CA8: variants seen among roughly 807,000 people sequenced by gnomAD.
CA8 encodes the protein carbonic anhydrase-related protein.
In CA8, 22 loss-of-function variants were observed where a neutral mutation model predicts 41.4. The ratio of observed to expected loss-of-function variants is 0.53; its 90% CI spans 0.38 to 0.76. CA8 has a LOEUF of 0.76. Among genes scored for constraint, CA8 ranks in the 30% least tolerant of loss-of-function variants. The pLI is 0.00. For missense variants in CA8, 270 were observed against 352.8 expected (o/e 0.77, Z 1.88); for synonymous variants, 121 against 130.6 (o/e 0.93, Z 0.50).
chr8:60,202,083 G>A (rs1408092458), intron 8 of CA8, among the ~76,000 whole-genome samples: 5 of 149,244 alleles, frequency 3.4e-5, no homozygotes, highest in South Asian at 4.3e-4. Flanking sequence ...TCGCTCTGTC[G>A]CCCAGGTTGG....
chr8:60,196,270 C>T (rs943613190), intron 8 of CA8, among the ~76,000 whole-genome samples: 1 of 152,090 alleles, frequency 6.6e-6, no homozygotes, highest in African/African-American at 2.4e-5. Context: ...AGTAATTGCT[C>T]ACATTTAATG....
rs544080132 is a variant in CA8, at chr8:60,270,765, A to G, written c.293-4716T>C. 6.6e-5 allele frequency among the ~76,000 whole-genome samples: 10 copies of G among 152,330 alleles called. No homozygotes were observed. In the East Asian group the frequency reaches 1.9e-3, roughly 29 times the overall value. Reference sequence around the variant, plus strand: ...TTAAAGACTTTATAACCTCAAAGTAACTTTTAAGAAATTCCAATGTTATCT... The same window carrying G: ...TTAAAGACTTTATAACCTCAAAGTAGCTTTTAAGAAATTCCAATGTTATCT... On this transcript the variant is annotated intron_variant, in intron 2 of 8. Coordinates refer to ENST00000317995, the MANE Select transcript of CA8 (RefSeq NM_004056.6).
intron 7 of CA8, among the ~76,000 whole-genome samples, chr8:60,217,007 C>T (rs970657603): frequency 6.6e-6 from 1 of 152,106 alleles, no homozygotes; most frequent in Non-Finnish European, 1.5e-5. Flanking sequence ...CCTCAGCCTC[C>T]CAAGTAGCTG....
At chr8:60,267,758 C>T (rs1225777662) in intron 2 of CA8, among the ~76,000 whole-genome samples, 1 of 152,158 alleles carries the variant, frequency 6.6e-6, no homozygotes, top group Non-Finnish European at 1.5e-5. Context: ...TTATCTAAGC[C>T]TAGATTTATA....
intron 6 of CA8, among the ~76,000 whole-genome samples, chr8:60,223,388 G>A (rs1481729900): frequency 6.6e-6 from 1 of 152,058 alleles, no homozygotes; most frequent in African/African-American, 2.4e-5. Flanking sequence ...AAACTCCTGG[G>A]CTCAAGCGAT....
At chr8:60,225,266 T>C (rs1276271830) in intron 5 of CA8, among the ~76,000 whole-genome samples, 1 of 152,190 alleles carries the variant, frequency 6.6e-6, no homozygotes, top group Non-Finnish European at 1.5e-5. Context: ...AGTCCTGTCA[T>C]GTGACTCAGA....
intron 3 of CA8, among the ~76,000 whole-genome samples, chr8:60,262,707 T>G (rs965832993): frequency 6.6e-6 from 1 of 152,208 alleles, no homozygotes; most frequent in Non-Finnish European, 1.5e-5. Context: ...AAATGTAGCA[T>G]GATTATATCG....
At chr8:60,218,135 A>T (rs1477956492) in intron 7 of CA8, among the ~76,000 whole-genome samples, 3 of 152,142 alleles carry the variant, frequency 2.0e-5, no homozygotes, top group African/African-American at 7.2e-5. Flanking sequence ...ACACAAGCAT[A>T]CAGACACTTT....
At chr8:60,210,064 A>G (rs568033662) in intron 7 of CA8, among the ~76,000 whole-genome samples, 3 of 152,310 alleles carry the variant, frequency 2.0e-5, no homozygotes, top group African/African-American at 7.2e-5. Flanking sequence ...CACATTCTTC[A>G]TTCCATATAC....
chr8:60,249,978 A>G (rs1040435143), intron 3 of CA8, among the ~76,000 whole-genome samples: 1 of 152,224 alleles, frequency 6.6e-6, no homozygotes, highest in African/African-American at 2.4e-5. Flanking sequence ...GGGAGCATAT[A>G]ATAGCCATTA....
chr8:60,185,690 T>TTA lies in CA8; in HGVS notation c.*4329_*4330dup, dbSNP rs1197524957. 1.3e-5 allele frequency among the ~76,000 whole-genome samples: 2 copies of TTA among 152,080 alleles called. No individual in the cohort carries two copies. Among genetic ancestry groups the TTA allele is most frequent in the Non-Finnish European group, 2.9e-5 (2 of 68,010 alleles). ...AAACAGAAACTTTTCACCAGGAGTT[T>TTA]TATATTTAGCAAAACTATCTCAAAG... is the stretch of plus-strand genomic sequence containing the variant. On this transcript the variant is annotated 3_prime_UTR_variant, in exon 9 of 9. Coordinates refer to ENST00000317995, the MANE Select transcript of CA8 (RefSeq NM_004056.6).
intron 8 of CA8, among the ~76,000 whole-genome samples, chr8:60,194,998 ATTAG>A (rs1416786227): frequency 1.3e-5 from 2 of 152,206 alleles, no homozygotes; most frequent in African/African-American, 2.4e-5. Flanking sequence ...CAATAACTAC[ATTAG>A]TTAGTAATCA....
At chr8:60,213,302 C>G (rs1806903178) in intron 7 of CA8, among the ~76,000 whole-genome samples, 1 of 152,214 alleles carries the variant, frequency 6.6e-6, no homozygotes, top group Admixed American at 6.5e-5. Context: ...CAGCCTTGGC[C>G]GTTGTCGGCC....
At chr8:60,199,310 C>T (rs1026578797) in intron 8 of CA8, among the ~76,000 whole-genome samples, 3 of 151,800 alleles carry the variant, frequency 2.0e-5, no homozygotes, top group Admixed American at 6.6e-5. Flanking sequence ...TCTATGTATG[C>T]GGAGTAACCA....
chr8:60,207,318 T>A (rs1346999728), intron 8 of CA8, among the ~76,000 whole-genome samples: 1 of 152,218 alleles, frequency 6.6e-6, no homozygotes, highest in African/African-American at 2.4e-5. Context: ...ATTAGATCCA[T>A]CAGAACATTA....
chr8:60,277,979 ACTT>A (rs765267030), intron 2 of CA8, among the ~76,000 whole-genome samples: 4 of 152,182 alleles, frequency 2.6e-5, no homozygotes, highest in Admixed American at 6.5e-5. Flanking sequence ...AAGTGCAGAC[ACTT>A]CTTCTTCAGT....
chr8:60,222,824 C>G (rs544411206), intron 6 of CA8, 63 bp from the exon 7 acceptor site: 2 of 992,904 alleles, frequency 2.0e-6, no homozygotes, highest in African/African-American at 3.2e-5. Flanking sequence ...CCTGATGACT[C>G]CAACAACAAT....
chr8:60,209,093 G>A (rs1385444233), intron 7 of CA8, among the ~76,000 whole-genome samples, 174 bp from the exon 8 acceptor site: 2 of 151,000 alleles, frequency 1.3e-5, no homozygotes, highest in Admixed American at 6.6e-5. Flanking sequence ...GACCTAAGAC[G>A]TTAGAGAGGA....
chr8:60,242,880 A>G (rs1808089192), intron 3 of CA8, among the ~76,000 whole-genome samples: 1 of 152,254 alleles, frequency 6.6e-6, no homozygotes, highest in African/African-American at 2.4e-5. Context: ...AAACACAGTT[A>G]TGGTCACTTA....
Sources: gnomAD v4.1 joint callset for allele counts (sites outside exome capture counted in the v4.1 genomes callset) on GRCh38, gnomAD v4.1.1 for gene constraint, MANE v1.5 for transcripts, NCBI Gene and HGNC (gene_info 2026-07-23, HGNC 2026-07-21) for gene names.